DRD2: variants seen among roughly 807,000 people sequenced by gnomAD.
DRD2 encodes dopamine receptor D2.
DRD2 carries 8 observed loss-of-function variants against 38.0 expected under a neutral mutation model. The observed-to-expected ratio is 0.21, with a 90% CI of 0.12 to 0.38. The LOEUF is 0.38. Among genes scored for constraint, DRD2 ranks in the 10% least tolerant of loss-of-function variants. The pLI is 1.00. For missense variants in DRD2, 403 were observed against 607.7 expected (o/e 0.66, Z 3.54); for synonymous variants, 230 against 238.6 (o/e 0.96, Z 0.33).
intron 1 of DRD2, among the ~76,000 whole-genome samples, chr11:113,428,941 A>G (rs1177522547): frequency 1.3e-5 from 2 of 152,144 alleles, no homozygotes; most frequent in Non-Finnish European, 2.9e-5. Context: ...AGTACAATGT[A>G]GATGGCAAAT....
At chr11:113,473,913 T>G (rs558359479) in intron 1 of DRD2, among the ~76,000 whole-genome samples, 1 of 152,138 alleles carries the variant, frequency 6.6e-6, no homozygotes, top group Admixed American at 6.5e-5. Context: ...GGGAGAATCG[T>G]TGAACATCTA....
At chr11:113,450,845 A>G (rs992236179) in intron 1 of DRD2, among the ~76,000 whole-genome samples, 1 of 152,178 alleles carries the variant, frequency 6.6e-6, no homozygotes, top group Non-Finnish European at 1.5e-5. Context: ...GCTTTCTCCA[A>G]ACGGACCACT....
At chr11:113,429,159 A>G (rs1950964167) in intron 1 of DRD2, among the ~76,000 whole-genome samples, 1 of 152,220 alleles carries the variant, frequency 6.6e-6, no homozygotes, top group South Asian at 2.1e-4. Context: ...TAGGAAAAAA[A>G]AGGGAAAACA....
At chr11:113,421,625 A>G (rs1314269102) in intron 2 of DRD2, among the ~76,000 whole-genome samples, 1 of 152,160 alleles carries the variant, frequency 6.6e-6, no homozygotes, top group African/African-American at 2.4e-5. Flanking sequence ...ACTTAGCAAG[A>G]TAAATAACGC....
At chr11:113,458,171 G>T (rs1951284602) in intron 1 of DRD2, among the ~76,000 whole-genome samples, 1 of 152,240 alleles carries the variant, frequency 6.6e-6, no homozygotes, top group Non-Finnish European at 1.5e-5. Flanking sequence ...CCTAACCTGG[G>T]TATTTAGCAA....
chr11:113,421,873 G>T (rs767274827), intron 2 of DRD2, among the ~76,000 whole-genome samples: 2 of 152,168 alleles, frequency 1.3e-5, no homozygotes, highest in Non-Finnish European at 2.9e-5. Context: ...TTGATGAGAT[G>T]CTGTGGGGAA....
At chr11:113,411,138 T>C (rs899991230) in intron 7 of DRD2, among the ~76,000 whole-genome samples, 1 of 151,890 alleles carries the variant, frequency 6.6e-6, no homozygotes, top group Non-Finnish European at 1.5e-5. Flanking sequence ...CCCTCATTTG[T>C]CCCTTTCCCA....
At chr11:113,468,140 T>C (rs1259369577) in intron 1 of DRD2, among the ~76,000 whole-genome samples, 1 of 152,220 alleles carries the variant, frequency 6.6e-6, no homozygotes, top group African/African-American at 2.4e-5. Flanking sequence ...TTAATTACTG[T>C]GACCCAATTA....
rs182939957 is a variant in DRD2 at position 113,434,253 on chromosome 11, G to A, written c.-31-9571C>T. 2.1e-3 allele frequency among the ~76,000 whole-genome samples: 318 copies of A among 152,350 alleles called. 1 individual carries two copies. The highest frequency in any genetic ancestry group is 3.0e-3 in the Non-Finnish European group (206 of 68,042). ...GCTAAACTGTGTGCAAGGCTCACATGTGTCTTGTCTCTCCTGGTCTTCTCC... is the reference window on the plus strand; with the variant it reads ...GCTAAACTGTGTGCAAGGCTCACATATGTCTTGTCTCTCCTGGTCTTCTCC... On this transcript the variant is annotated intron_variant, in intron 1 of 7. Transcript: ENST00000362072.
chr11:113,458,073 T>C (rs1173655001), intron 1 of DRD2, among the ~76,000 whole-genome samples: 1 of 152,238 alleles, frequency 6.6e-6, no homozygotes, highest in Non-Finnish European at 1.5e-5. Context: ...TTAGCTCCCC[T>C]TGGGCTCCCA....
intron 1 of DRD2, among the ~76,000 whole-genome samples, chr11:113,441,997 G>A (rs1004835812): frequency 6.6e-6 from 1 of 150,910 alleles, no homozygotes; most frequent in East Asian, 1.9e-4. Context: ...CACATCCCCC[G>A]TATATGGTGA....
chr11:113,433,453 G>T (rs1001244488), intron 1 of DRD2, among the ~76,000 whole-genome samples: 3 of 152,182 alleles, frequency 2.0e-5, no homozygotes, highest in African/African-American at 7.2e-5. Context: ...GAAGCCCAGG[G>T]AGTGGCCTGG....
chr11:113,414,887 C>T (rs1178703268), intron 5 of DRD2, among the ~76,000 whole-genome samples: 1 of 152,190 alleles, frequency 6.6e-6, no homozygotes, highest in Non-Finnish European at 1.5e-5. Flanking sequence ...AGCCCAAGAG[C>T]TCTTGTTCCT....
chr11:113,460,210 C>T (rs914247859), intron 1 of DRD2, among the ~76,000 whole-genome samples: 8 of 152,232 alleles, frequency 5.3e-5, no homozygotes, highest in South Asian at 2.1e-4. Flanking sequence ...GCTCCAGGGT[C>T]GAAGCTGCCA....
intron 1 of DRD2, among the ~76,000 whole-genome samples, chr11:113,464,002 T>C (rs1951345883): frequency 6.6e-6 from 1 of 152,184 alleles, no homozygotes; most frequent in African/African-American, 2.4e-5. Flanking sequence ...AGGTTACAGG[T>C]GGCACACTGG....
chr11:113,452,493 G>A (rs1477264395), intron 1 of DRD2, among the ~76,000 whole-genome samples: 1 of 137,822 alleles, frequency 7.3e-6, no homozygotes, highest in African/African-American at 2.7e-5. Context: ...CGCGCACATT[G>A]GGGGACAGGA....
intron 1 of DRD2, among the ~76,000 whole-genome samples, chr11:113,470,523 C>T (rs547169925): frequency 6.6e-6 from 1 of 152,210 alleles, no homozygotes; most frequent in Non-Finnish European, 1.5e-5. Context: ...CAGGGGAAAC[C>T]AGAGGTTTTC....
intron 1 of DRD2, among the ~76,000 whole-genome samples, chr11:113,439,379 T>C (rs190851446): frequency 0.01 from 1,552 of 152,176 alleles, 34 homozygotes; most frequent in African/African-American, 0.036. Context: ...TCATAAAGAT[T>C]AAACAAGACA....
At chr11:113,425,631 A>C (rs1417087612) in intron 1 of DRD2, among the ~76,000 whole-genome samples, 2 of 152,142 alleles carry the variant, frequency 1.3e-5, no homozygotes, top group Non-Finnish European at 2.9e-5. Flanking sequence ...GCGGGACACC[A>C]ACTGGGAGGC....
Sources: allele counts gnomAD v4.1 joint callset (sites outside exome capture counted in the v4.1 genomes callset), GRCh38; gene constraint gnomAD v4.1.1; transcripts MANE v1.5; gene names NCBI Gene and HGNC (gene_info 2026-07-23, HGNC 2026-07-21).